Variants in DISC1 observed in about 807,000 individuals in gnomAD.
DISC1 encodes the protein disrupted in schizophrenia 1 protein.
In DISC1, 57 loss-of-function variants were observed where a neutral mutation model predicts 84.5. That is an observed-to-expected ratio of 0.67 (90% CI 0.55 to 0.84). The LOEUF (loss-of-function observed/expected upper bound fraction) is 0.84, where lower values mean the gene tolerates loss of function less well. Ranked by LOEUF, DISC1 falls within the 40% of genes least tolerant of loss-of-function variation. DISC1 has a pLI of 0.00. For synonymous variants in DISC1, 411 were observed against 415.2 expected (o/e 0.99, Z 0.12); for missense variants, 1,000 against 1,057.8 (o/e 0.95, Z 0.76).
chr1:231,965,590 A>C (rs1184565399), intron 10 of DISC1, among the ~76,000 whole-genome samples: 1 of 152,270 alleles, frequency 6.6e-6, no homozygotes, highest in Non-Finnish European at 1.5e-5. Context: ...CGCATCCAGC[A>C]TAAATTCCAC....
chr1:231,879,674 G>A (rs527969673), intron 9 of DISC1, among the ~76,000 whole-genome samples: 2 of 151,982 alleles, frequency 1.3e-5, no homozygotes, highest in South Asian at 2.1e-4. Flanking sequence ...TGTTTTGGGT[G>A]GGGGGCATGG....
intron 6 of DISC1, among the ~76,000 whole-genome samples, chr1:231,787,544 T>C (rs1008453088): frequency 6.6e-6 from 1 of 152,210 alleles, no homozygotes; most frequent in South Asian, 2.1e-4. Flanking sequence ...AATTCATTCA[T>C]GAGGGCAGAT....
At chr1:231,781,066 C>T (rs569779626) in intron 6 of DISC1, among the ~76,000 whole-genome samples, 9 of 146,280 alleles carry the variant, frequency 6.2e-5, no homozygotes, top group Non-Finnish European at 8.9e-5. Context: ...TGCTAGATGA[C>T]GGTTAGTGGG....
At chr1:231,820,868 A>C (rs771171079) in intron 9 of DISC1, among the ~76,000 whole-genome samples, 27 of 152,238 alleles carry the variant, frequency 1.8e-4, no homozygotes, top group African/African-American at 6.3e-4. Context: ...GTGCCCCACT[A>C]AAGTGATGAA....
At chr1:231,838,623 G>A (rs112139536) in intron 9 of DISC1, among the ~76,000 whole-genome samples, 2,112 of 152,290 alleles carry the variant, frequency 0.014, 23 homozygotes, top group Middle Eastern at 0.034. Flanking sequence ...TGTCCCTGTC[G>A]TCATCTTGCA....
chr1:231,908,968 G>C (rs2088949095), intron 9 of DISC1, among the ~76,000 whole-genome samples: 2 of 152,114 alleles, frequency 1.3e-5, no homozygotes, highest in African/African-American at 4.8e-5. Context: ...CTGGCTCTCT[G>C]TTTGTCTGTT....
chr1:232,024,609 T>G (rs1669277047), intron 11 of DISC1, among the ~76,000 whole-genome samples: 1 of 152,148 alleles, frequency 6.6e-6, no homozygotes, highest in African/African-American at 2.4e-5. Flanking sequence ...TTTTTTTTTT[T>G]TGAGACAGCG....
At position 231,883,390 on chromosome 1, in the gene DISC1, G is replaced by A. The variant is rs1489102213; in HGVS notation, c.1981+64873G>A. Among the ~76,000 whole-genome samples, 4 of 152,262 alleles carry A rather than the reference G, an allele frequency of 2.6e-5. No individual in the cohort carries two copies. The East Asian group carries it at 7.7e-4, about 29-fold the overall frequency. Reference sequence around the variant, plus strand: ...CCTATAGGTAAGTGGTAGTGGTGTGGAGAGGGGCTGGCCTAGTGAAAGGAA... The same window carrying A: ...CCTATAGGTAAGTGGTAGTGGTGTGAAGAGGGGCTGGCCTAGTGAAAGGAA... On this transcript the variant is annotated intron_variant, in intron 9 of 12. Coordinates refer to ENST00000439617, the MANE Select transcript of DISC1 (RefSeq NM_018662.3).
chr1:231,783,715 G>A (rs1466419058), intron 6 of DISC1, among the ~76,000 whole-genome samples: 1 of 152,204 alleles, frequency 6.6e-6, no homozygotes, highest in Non-Finnish European at 1.5e-5. Context: ...ATGGCACGGG[G>A]TGAGGGTGTG....
At chr1:231,952,268 C>T (rs1216858638) in intron 9 of DISC1, among the ~76,000 whole-genome samples, 1 of 152,118 alleles carries the variant, frequency 6.6e-6, no homozygotes, top group African/African-American at 2.4e-5. Context: ...ATCTTATCAA[C>T]ATCAGAGAAA....
At chr1:231,951,794 G>C (rs1337326743) in intron 9 of DISC1, among the ~76,000 whole-genome samples, 3 of 152,066 alleles carry the variant, frequency 2.0e-5, no homozygotes, top group Non-Finnish European at 2.9e-5. Context: ...GGCAGGGTGT[G>C]GTGGCTCACA....
chr1:231,855,289 G>A, intron 9 of DISC1: 1 of 887,146 alleles, frequency 1.1e-6, no homozygotes, highest in Non-Finnish European at 1.4e-6. Context: ...TATAACATAT[G>A]TATATTTCAA....
chr1:231,992,666 T>G (rs1311024893), intron 10 of DISC1, among the ~76,000 whole-genome samples: 5 of 152,276 alleles, frequency 3.3e-5, no homozygotes, highest in African/African-American at 1.2e-4. Flanking sequence ...CCAAATAGAG[T>G]GGCATGTTGA....
At chr1:231,723,275 C>T (rs2125118277) in intron 3 of DISC1, 1 of 983,490 alleles carries the variant, frequency 1.0e-6, no homozygotes, top group Non-Finnish European at 1.2e-6. Flanking sequence ...TGAGTAGACT[C>T]ACATGTTAAA....
chr1:231,725,754 C>T lies in DISC1; in HGVS notation c.1117+23730C>T, dbSNP rs540250115. The stretch of plus-strand genomic sequence containing the variant: ...CCTGTCCTGCATTGTTGGTATTTTC[C>T]GTTTGCTGAGAAAAGTTCAGTTAGT... On this transcript the variant is annotated intron_variant, in intron 3 of 12. Coordinates refer to ENST00000439617, the MANE Select transcript of DISC1 (RefSeq NM_018662.3). Among the ~76,000 whole-genome samples the T allele has an allele frequency of 1.2e-3, 184 of 152,176 alleles. 1 individual carries two copies. Among genetic ancestry groups the T allele is most frequent in the African/African-American group, 4.1e-3 (170 of 41,540 alleles).
chr1:231,688,630 T>C (rs746062629), intron 1 of DISC1, among the ~76,000 whole-genome samples: 1 of 144,852 alleles, frequency 6.9e-6, no homozygotes, highest in Non-Finnish European at 1.5e-5. Context: ...GTTCCTCCAT[T>C]AGTTTAATTT....
rs571209648 is a variant in DISC1, at chr1:231,841,503, G to A, written c.1981+22986G>A. On this transcript the variant is annotated intron_variant, in intron 9 of 12. Transcript: ENST00000439617. Reference sequence around the variant, plus strand: ...TTTATCCAGCTCATTGGTCAGTGTGGTTGCTCTGTGCATCATGCTGGTGCA... The same window carrying A: ...TTTATCCAGCTCATTGGTCAGTGTGATTGCTCTGTGCATCATGCTGGTGCA... Among the ~76,000 whole-genome samples the A allele has an allele frequency of 5.3e-5, 8 of 152,314 alleles. No homozygotes were observed. The South Asian group carries it at 1.7e-3, about 32-fold the overall frequency.
chr1:231,943,191 T>C (rs1306978846), intron 9 of DISC1, among the ~76,000 whole-genome samples: 2 of 152,256 alleles, frequency 1.3e-5, no homozygotes, highest in African/African-American at 4.8e-5. Context: ...AAATGTATTA[T>C]TCAGGCATGA....
chr1:231,660,519 C>T (rs1572604826), intron 1 of DISC1, among the ~76,000 whole-genome samples: 1 of 152,060 alleles, frequency 6.6e-6, no homozygotes, highest in Admixed American at 6.5e-5. Context: ...CTGTGTCACC[C>T]AGGCTGGAGT....
Sources: gnomAD v4.1 joint callset for allele counts (sites outside exome capture counted in the v4.1 genomes callset) on GRCh38, gnomAD v4.1.1 for gene constraint, MANE v1.5 for transcripts, NCBI Gene and HGNC (gene_info 2026-07-23, HGNC 2026-07-21) for gene names.